The following RAB11FIP3 variants were observed in gnomAD, a reference collection of about 807,000 sequenced individuals.
RAB11FIP3 encodes the protein RAB11 family interacting protein 3.
A neutral mutation model predicts 77.8 loss-of-function variants in RAB11FIP3; 17 were observed. That is an observed-to-expected ratio of 0.22 (90% CI 0.15 to 0.33). The LOEUF (loss-of-function observed/expected upper bound fraction) is 0.33, where lower values mean the gene tolerates loss of function less well. Ranked by LOEUF, RAB11FIP3 falls within the 10% of genes least tolerant of loss-of-function variation. RAB11FIP3 has a pLI of 1.00. For missense variants in RAB11FIP3, 1,005 were observed against 1,011.2 expected (o/e 0.99, Z 0.08); for synonymous variants, 437 against 448.2 (o/e 0.98, Z 0.31).
intron 1 of RAB11FIP3, among the ~76,000 whole-genome samples, chr16:447,487 C>T: frequency 6.6e-6 from 1 of 152,070 alleles, no homozygotes; most frequent in East Asian, 1.9e-4. Flanking sequence ...ACCTGTAATC[C>T]CAGCACTTTG....
rs544597959 is a variant in RAB11FIP3 at position 507,916 on chromosome 16, A to G, written c.1499+2289A>G. Among the ~76,000 whole-genome samples, 34 of 151,592 alleles carry G rather than the reference A, an allele frequency of 2.2e-4. No homozygotes were observed. Among genetic ancestry groups the G allele is most frequent in the Non-Finnish European group, 3.8e-4 (26 of 67,990 alleles). On this transcript the variant is annotated intron_variant, in intron 8 of 13. Coordinates refer to ENST00000262305, the MANE Select transcript of RAB11FIP3 (RefSeq NM_014700.4). The surrounding 1 kb of genome is among the most constrained non-coding windows in gnomAD (Gnocchi z 4.6). Reference sequence around the variant, plus strand: ...TCCTAAGAGTACGTTTCCCGTTTTCAGTATCATCTGCCCGTTCTGAGCCAT... The same window carrying G: ...TCCTAAGAGTACGTTTCCCGTTTTCGGTATCATCTGCCCGTTCTGAGCCAT...
At chr16:469,861 C>G (rs1329351877) in intron 2 of RAB11FIP3, among the ~76,000 whole-genome samples, 4 of 152,000 alleles carry the variant, frequency 2.6e-5, no homozygotes, top group Admixed American at 2.0e-4. Flanking sequence ...GGGTCTTGCT[C>G]TGTCACTCAG....
At chr16:485,723 T>C (rs943891277) in intron 4 of RAB11FIP3, among the ~76,000 whole-genome samples, 1 of 152,156 alleles carries the variant, frequency 6.6e-6, no homozygotes, top group African/African-American at 2.4e-5. Flanking sequence ...AACAGATGTT[T>C]TTAATTTTGC....
intron 1 of RAB11FIP3, among the ~76,000 whole-genome samples, chr16:433,028 C>CT (rs920883186): frequency 0.017 from 711 of 40,866 alleles, 13 homozygotes; most frequent in Non-Finnish European, 0.023. Context: ...CCATATTTAT[C>CT]TTTTTTTTTT....
chr16:455,383 A>C (rs928272500), intron 1 of RAB11FIP3, among the ~76,000 whole-genome samples: 56 of 151,210 alleles, frequency 3.7e-4, no homozygotes, highest in African/African-American at 1.3e-3. Context: ...CTGAGGCAGG[A>C]GAATTGCTTG....
intron 1 of RAB11FIP3, among the ~76,000 whole-genome samples, chr16:440,977 G>T (rs1307926567): frequency 6.6e-6 from 1 of 151,070 alleles, no homozygotes; most frequent in African/African-American, 2.4e-5. Context: ...GTCTCGCTTT[G>T]TCGCCCAGGG....
At chr16:473,647 C>T (rs71378515) in intron 3 of RAB11FIP3, among the ~76,000 whole-genome samples, 1 of 152,034 alleles carries the variant, frequency 6.6e-6, no homozygotes, top group Non-Finnish European at 1.5e-5. Flanking sequence ...ACCGTGTTGC[C>T]TAGGCTGCTC....
chr16:444,910 C>T lies in RAB11FIP3; in HGVS notation c.715-16494C>T, dbSNP rs117180249. On this transcript the variant is annotated intron_variant, in intron 1 of 13. Coordinates refer to ENST00000262305, the MANE Select transcript of RAB11FIP3 (RefSeq NM_014700.4). ...CAGGTGGAATACGAAGTCAGGGGACCGAGCCCATGCTGGCTAACATGGTGA... is the reference window on the plus strand; with the variant it reads ...CAGGTGGAATACGAAGTCAGGGGACTGAGCCCATGCTGGCTAACATGGTGA... 4.9e-3 allele frequency among the ~76,000 whole-genome samples: 735 copies of T among 151,456 alleles called. 3 individuals carry two copies. The highest frequency in any genetic ancestry group is 7.5e-3 in the Non-Finnish European group (508 of 67,904).
At chr16:512,486 T>C (rs1042489334) in intron 9 of RAB11FIP3, among the ~76,000 whole-genome samples, 39 of 150,952 alleles carry the variant, frequency 2.6e-4, no homozygotes, top group Admixed American at 1.3e-3. Context: ...GTGATCCACC[T>C]GCCTCGGCCT....
rs752259728 is a variant in RAB11FIP3 at position 480,286 on chromosome 16, C to CAAAAAAAAGAAAAA, written c.904-2231_904-2230insGAAAAAAAAAAAAA. Among the ~76,000 whole-genome samples, 187 of 80,014 alleles carry CAAAAAAAAGAAAAA rather than the reference C, an allele frequency of 2.3e-3. 6 individuals carry two copies. Among genetic ancestry groups the CAAAAAAAAGAAAAA allele is most frequent in the East Asian group, 0.018 (49 of 2,656 alleles). The allele number at this position is 80,014 out of a possible 152,430, so 52.5% of individuals were successfully genotyped here. A position where few individuals can be genotyped will look rare whatever the true frequency, so the allele number is the denominator to read the frequency against. Reference sequence around the variant, plus strand: ...GGCAGGAAGAGTAAAACTCCTTCTCCAAAAAAAAAAAAAAAAAAAAGTTGA... The same window carrying CAAAAAAAAGAAAAA: ...GGCAGGAAGAGTAAAACTCCTTCTCCAAAAAAAAGAAAAAAAAAAAAAAAAAAAAAAAAAGTTGA... On this transcript the variant is annotated intron_variant, in intron 3 of 13. Transcript: ENST00000262305.
chr16:501,916 G>A (rs561197057), intron 6 of RAB11FIP3, among the ~76,000 whole-genome samples: 2 of 149,288 alleles, frequency 1.3e-5, no homozygotes, highest in South Asian at 2.1e-4. Context: ...CTGGGAGAGT[G>A]TCCCCCCATT....
chr16:488,217 A>G (rs2056197256), intron 4 of RAB11FIP3, among the ~76,000 whole-genome samples: 1 of 152,040 alleles, frequency 6.6e-6, no homozygotes, highest in Non-Finnish European at 1.5e-5. Context: ...CGTCTCTACT[A>G]AAAATACAAA....
chr16:484,038 G>T (rs8059676), intron 4 of RAB11FIP3, among the ~76,000 whole-genome samples: 1 of 151,744 alleles, frequency 6.6e-6, no homozygotes, highest in Non-Finnish European at 1.5e-5. Flanking sequence ...GCGGCATCAC[G>T]GGCTGTTAGT....
intron 3 of RAB11FIP3, chr16:477,588 C>G: frequency 1.0e-6 from 1 of 984,342 alleles, no homozygotes; most frequent in Non-Finnish European, 1.2e-6. Flanking sequence ...AGGCCCAGCA[C>G]AGGCCAGCCC....
intron 1 of RAB11FIP3, among the ~76,000 whole-genome samples, chr16:459,281 C>T (rs1596223444): frequency 6.6e-6 from 1 of 151,842 alleles, no homozygotes; most frequent in East Asian, 1.9e-4. Context: ...TTCCCACCAC[C>T]ACGCCCAGCT....
intron 5 of RAB11FIP3, 27 bp downstream of exon 5, chr16:489,027 C>T (rs780368238): frequency 1.2e-5 from 20 of 1,602,808 alleles, no homozygotes; most frequent in Non-Finnish European, 1.4e-5. Flanking sequence ...CCAGCACACC[C>T]TCCTCCCTCT....
intron 2 of RAB11FIP3, among the ~76,000 whole-genome samples, chr16:468,092 G>A (rs1424502026): frequency 9.9e-5 from 4 of 40,316 alleles, no homozygotes; most frequent in Admixed American, 2.1e-4. Flanking sequence ...AGGTGCAGGG[G>A]CGTCAGGGAG....
intron 2 of RAB11FIP3, among the ~76,000 whole-genome samples, chr16:465,082 C>G (rs1335852757): frequency 6.6e-6 from 1 of 152,112 alleles, no homozygotes; most frequent in Non-Finnish European, 1.5e-5. Flanking sequence ...GAGGTGCGAG[C>G]TGGAGACTCA....
Position 497,971 on chromosome 16 carries a change from T to TA in RAB11FIP3, c.1301+1124dup, listed in dbSNP as rs1341167860. The stretch of plus-strand genomic sequence containing the variant: ...AAAAAAAAAATTAAAAATTAAAAAT[T>TA]AAAAAAAAAAAAGGAAAATAGGCAA... On this transcript the variant is annotated intron_variant, in intron 6 of 13. Coordinates refer to ENST00000262305, the MANE Select transcript of RAB11FIP3 (RefSeq NM_014700.4). Among the ~76,000 whole-genome samples, 597 of 142,458 alleles carry TA rather than the reference T, an allele frequency of 4.2e-3. 1 individual carries two copies. Among genetic ancestry groups the TA allele is most frequent in the Middle Eastern group, 0.011 (3 of 276 alleles). 93.5% of individuals were successfully genotyped at this position (142,458 alleles called of 152,430 possible).
Sources: allele counts gnomAD v4.1 joint callset (sites outside exome capture counted in the v4.1 genomes callset), GRCh38; gene constraint gnomAD v4.1.1; non-coding constraint Gnocchi (gnomAD v3.1); transcripts MANE v1.5; gene names NCBI Gene and HGNC (gene_info 2026-07-23, HGNC 2026-07-21).